Variants in HMGXB3 observed in about 807,000 individuals in gnomAD.
HMGXB3 encodes HMG-box containing 3, also known as HMG domain-containing protein 3.
In HMGXB3, 45 loss-of-function variants were observed where a neutral mutation model predicts 121.5. The ratio of observed to expected loss-of-function variants is 0.37; its 90% CI spans 0.29 to 0.47. HMGXB3 has a LOEUF of 0.47. HMGXB3 is among the 20% of genes least tolerant of loss of function. The pLI, the probability that HMGXB3 is intolerant of heterozygous loss-of-function variation, is 0.99. For synonymous variants in HMGXB3, 590 were observed against 624.1 expected, an observed-to-expected ratio of 0.95 and a Z score of 0.81; for missense variants, 1,376 against 1,602.2, an observed-to-expected ratio of 0.86 and a Z score of 2.41.
rs996093645 is a variant in HMGXB3 at position 150,052,293 on chromosome 5, G to A, written c.*101G>A. 29 of 944,938 alleles carry A rather than the reference G, an allele frequency of 3.1e-5. No homozygotes were observed. The highest frequency in any genetic ancestry group is 9.8e-5 in the Admixed American group (4 of 40,826). 58.5% of individuals were successfully genotyped at this position (944,938 alleles called of 1,614,324 possible). The stretch of plus-strand genomic sequence containing the variant: ...GGACCTGCAGAAGTGGTCTCCTGTG[G>A]GGAGGGCCTCTGACTGCTGGGACTG... On this transcript the variant is annotated 3_prime_UTR_variant, in exon 20 of 20. Coordinates refer to ENST00000502717, the MANE Select transcript of HMGXB3 (RefSeq NM_014983.3).
Position 150,037,412 on chromosome 5 carries a change from G to A in HMGXB3, c.2298G>A (p.Gly766=), listed in dbSNP as rs1455838817. The A allele has an allele frequency of 2.6e-6, 4 of 1,546,054 alleles. No homozygotes were observed. The highest frequency in any genetic ancestry group is 3.5e-6 in the Non-Finnish European group (4 of 1,144,334). ...LFKGGQNSLA[G]PQECWLLTAS... is the part of the protein sequence containing the mutation. ...TTTCTGGTACTAGCTCCCTGGCTGG[G>A]CCCCAGGAGTGCTGGCTGCTGACAG... is the stretch of plus-strand genomic sequence containing the variant. Residue 766 remains glycine (G), a synonymous_variant, in exon 13 of 20, where the codon GGG becomes GGA. Transcript: ENST00000502717.
chr5:150,039,443 T>C (rs1467291796), intron 13 of HMGXB3, among the ~76,000 whole-genome samples: 2 of 152,188 alleles, frequency 1.3e-5, no homozygotes, highest in Non-Finnish European at 2.9e-5. Flanking sequence ...TATAATTAAG[T>C]TTGTCTGTTG....
chr5:150,009,228 C>G (rs953226509), intron 3 of HMGXB3, among the ~76,000 whole-genome samples: 4 of 152,170 alleles, frequency 2.6e-5, no homozygotes, highest in Non-Finnish European at 4.4e-5. Flanking sequence ...AAGACCTGGC[C>G]TGGAGTCCCA....
At chr5:150,024,741 A>C in intron 7 of HMGXB3, 61 bp downstream of exon 7, 210 of 1,340,762 alleles carry the variant, frequency 1.6e-4, no homozygotes, top group Middle Eastern at 1.9e-4. Flanking sequence ...CTTTTATCTC[A>C]TGTCTGTACA....
chr5:150,030,960 A>G (rs1756361924), intron 10 of HMGXB3, 121 bp downstream of exon 10: 4 of 644,434 alleles, frequency 6.2e-6, no homozygotes, highest in South Asian at 3.7e-5. Flanking sequence ...AGGGTCAGGT[A>G]TAGATTGTTA....
At position 150,037,439 on chromosome 5, in the gene HMGXB3, C is replaced by T. The variant is rs1756526715; in HGVS notation, c.2325C>T (p.Ala775=). Residue 775 remains alanine (A), a synonymous_variant, in exon 13 of 20, where the codon GCC becomes GCT. Coordinates refer to ENST00000502717, the MANE Select transcript of HMGXB3 (RefSeq NM_014983.3). ...AGPQECWLLT[A]SRLQTVTAQV... is the part of the protein sequence containing the mutation. ...CCCAGGAGTGCTGGCTGCTGACAGC[C>T]AGCCGTCTGCAGACAGTGACTGCCC... 1 of 1,550,858 alleles carries T rather than the reference C, an allele frequency of 6.4e-7. No homozygotes were observed. The highest frequency in any genetic ancestry group is 1.4e-5 in the African/African-American group (1 of 73,006).
intron 13 of HMGXB3, among the ~76,000 whole-genome samples, chr5:150,039,705 G>A (rs1011655929): frequency 1.3e-5 from 2 of 152,020 alleles, no homozygotes; most frequent in Non-Finnish European, 2.9e-5. Context: ...CTGTCAGAAT[G>A]TGATATCAGT....
intron 7 of HMGXB3, among the ~76,000 whole-genome samples, chr5:150,026,116 T>C (rs370637764): frequency 1.8e-4 from 28 of 151,646 alleles, no homozygotes; most frequent in East Asian, 1.7e-3. Context: ...AGGCGTGAGC[T>C]ACCGCGCCCG....
At chr5:150,027,588 T>C (rs556762320) in intron 9 of HMGXB3, among the ~76,000 whole-genome samples, 1 of 151,992 alleles carries the variant, frequency 6.6e-6, no homozygotes, top group Non-Finnish European at 1.5e-5. Flanking sequence ...TCTCACTCTG[T>C]CACCCAGGCT....
chr5:150,024,529 GCAGT>G lies in HMGXB3; in HGVS notation c.1312_1315del (p.Val438LeufsTer79). 6.4e-7 allele frequency: 1 copy of G among 1,551,742 alleles called. No individual in the cohort carries two copies. ...GGAAGCTCCCGGGAATTGTGGTACA[GCAGT>G]CACTAAGACGCCAGTCGTCAAAAGT... is the stretch of plus-strand genomic sequence containing the variant. On this transcript the variant is annotated frameshift_variant, in exon 7 of 20. Transcript: ENST00000502717. LOFTEE classifies it high-confidence loss of function.
Position 150,012,270 on chromosome 5 carries a change from A to C in HMGXB3, c.826A>C (p.Ser276Arg), listed in dbSNP as rs1247945823. 2.1e-5 allele frequency: 33 copies of C among 1,551,984 alleles called. No homozygotes were observed. The highest frequency in any genetic ancestry group is 5.5e-5 in the African/African-American group (4 of 73,012). ...VTVMRDSSES[S>R]SSAPATQFIM... ...TTGCCCATAGGATTCCAGTGAGAGTAGCTCCTCTGCACCAGCCACACAGTT... is the reference window on the plus strand; with the variant it reads ...TTGCCCATAGGATTCCAGTGAGAGTCGCTCCTCTGCACCAGCCACACAGTT... The change falls in exon 5 of 20, where the codon AGC (serine) becomes CGC (arginine). Residue 276 changes from serine (S) to arginine (R), a missense_variant. Around this residue, in one of 2 missense-constraint regions of HMGXB3, gnomAD observed 1,116 missense variants for 1,369.0 expected, o/e 0.82. Transcript: ENST00000502717.
Position 150,040,784 on chromosome 5 carries a change from T to C in HMGXB3, c.2450T>C (p.Leu817Pro). Reference protein sequence around the residue: ...FNVGNKLLVSLDLLFAIRNQI... With the variant: ...FNVGNKLLVSPDLLFAIRNQI... ...GTGGGGAACAAGCTGCTGGTAAGCC[T>C]GGACTTGCTTTTTGCAATCAGAAAT... The change falls in exon 14 of 20, where the codon CTG (leucine) becomes CCG (proline). Residue 817 changes from leucine (L) to proline (P), a missense_variant. Physicochemically the swap from Leu to Pro is moderately conservative, Grantham distance 98. Coordinates refer to ENST00000502717, the MANE Select transcript of HMGXB3 (RefSeq NM_014983.3). The C allele has an allele frequency of 6.4e-7, 1 of 1,552,124 alleles. No individual in the cohort carries two copies. The highest frequency in any genetic ancestry group is 8.7e-7 in the Non-Finnish European group (1 of 1,147,086).
intron 17 of HMGXB3, 52 bp downstream of exon 17, chr5:150,047,809 G>A: frequency 6.5e-7 from 1 of 1,544,848 alleles, no homozygotes; most frequent in Non-Finnish European, 8.8e-7. Flanking sequence ...TAGGCTGATT[G>A]GTCCACTTTT....
intron 12 of HMGXB3, among the ~76,000 whole-genome samples, 159 bp from the exon 13 acceptor site, chr5:150,037,241 G>A (rs1756520777): frequency 6.6e-6 from 1 of 152,200 alleles, no homozygotes; most frequent in Non-Finnish European, 1.5e-5. Context: ...TACATTAATT[G>A]TAGGGATGAT....
At chr5:150,005,134 G>T in intron 2 of HMGXB3, 145 bp downstream of exon 2, 1 of 1,150,770 alleles carries the variant, frequency 8.7e-7, no homozygotes, top group Non-Finnish European at 1.2e-6. Flanking sequence ...GGAAGTGGAG[G>T]GATTTCTGCC....
rs1188895258 is a variant in HMGXB3 at position 150,048,549 on chromosome 5, A to G, written c.3085-20A>G. On this transcript the variant is annotated intron_variant, in intron 17 of 19. Coordinates refer to ENST00000502717, the MANE Select transcript of HMGXB3 (RefSeq NM_014983.3). ...CTTAGCATTCGCCCTTATGTTTTTA[A>G]TCTTGTCCTTCTACTCCAGGACCAG... 4 of 1,508,232 alleles carry G rather than the reference A, an allele frequency of 2.7e-6. No individual in the cohort carries two copies. Among genetic ancestry groups the G allele is most frequent in the South Asian group, 2.4e-5 (2 of 83,132 alleles). The allele number at this position is 1,508,232 out of a possible 1,614,324, so 93.4% of individuals were successfully genotyped here. A position where few individuals can be genotyped will look rare whatever the true frequency, so the allele number is the denominator to read the frequency against.
intron 1 of HMGXB3, among the ~76,000 whole-genome samples, chr5:150,003,678 A>T (rs7734382): frequency 0.81 from 123,499 of 151,576 alleles, 50,453 homozygotes; most frequent in African/African-American, 0.86. Context: ...TGAACCCAGC[A>T]GGGCACAGTG....
chr5:150,015,118 C>T, intron 5 of HMGXB3: 1 of 345,506 alleles, frequency 2.9e-6, no homozygotes, highest in Non-Finnish European at 5.3e-6. Context: ...TGCGGCCATC[C>T]AGTCTGTGAA....
chr5:150,032,688 A>T (rs991302987), intron 11 of HMGXB3, 85 bp downstream of exon 11: 23 of 1,457,136 alleles, frequency 1.6e-5, no homozygotes, highest in Non-Finnish European at 2.1e-5. Flanking sequence ...GAAGATTTTT[A>T]AAGTACATGG....
Sources: gnomAD v4.1 joint callset for allele counts (sites outside exome capture counted in the v4.1 genomes callset) on GRCh38, gnomAD v4.1.1 for gene constraint, gnomAD v4.1.1 regional missense constraint, MANE v1.5 for transcripts, NCBI Gene and HGNC (gene_info 2026-07-23, HGNC 2026-07-21) for gene names.